Variants in CNN3 observed in about 807,000 individuals in gnomAD.
CNN3 encodes calponin-3.
Under a neutral mutation model 39.0 loss-of-function variants are expected in CNN3, and 11 were observed. That is an observed-to-expected ratio of 0.28 (90% CI 0.18 to 0.47). The LOEUF is 0.47. Ranked by LOEUF, CNN3 falls within the 20% of genes least tolerant of loss-of-function variation. The pLI is 0.99. For missense variants in CNN3, 266 were observed against 403.4 expected (o/e 0.66, Z 2.92); for synonymous variants, 101 against 138.3 (o/e 0.73, Z 1.89).
At chr1:94,903,628 G>GA in intron 1 of CNN3, 104 bp from the exon 2 acceptor site, 1 of 1,471,484 alleles carries the variant, frequency 6.8e-7, no homozygotes, top group Non-Finnish European at 9.3e-7. Context: ...CCACAGCTGT[G>GA]AAGTGTAGTA....
chr1:94,908,633 C>T lies in CNN3; in HGVS notation c.58-5109G>A, dbSNP rs144297161. Among the ~76,000 whole-genome samples, 874 of 152,262 alleles carry T rather than the reference C, an allele frequency of 5.7e-3. 9 individuals are homozygous for T. Among genetic ancestry groups the T allele is most frequent in the African/African-American group, 0.02 (847 of 41,546 alleles). ...TTGGCCCACTGCAACCTCCACCTCC[C>T]GGGTTCAAGCGATTCTCCTGCCTCA... On this transcript the variant is annotated intron_variant, in intron 1 of 6. Coordinates refer to ENST00000370206, the MANE Select transcript of CNN3 (RefSeq NM_001839.5).
At chr1:94,906,476 T>C (rs1018579239) in intron 1 of CNN3, among the ~76,000 whole-genome samples, 10 of 152,030 alleles carry the variant, frequency 6.6e-5, no homozygotes, top group Non-Finnish European at 8.8e-5. Flanking sequence ...ATTTTTTTTT[T>C]CCCCAAAAGT....
Position 94,926,878 on chromosome 1 carries a change from T to G in CNN3, c.17A>C (p.Lys6Thr). The G allele has an allele frequency of 6.2e-7, 1 of 1,610,682 alleles. No homozygotes were observed. The highest frequency in any genetic ancestry group is 8.5e-7 in the Non-Finnish European group (1 of 1,178,338). Residue 6 changes from lysine to threonine, a missense_variant, in exon 1 of 7, where the codon AAG (lysine) becomes ACG (threonine). Physicochemically the swap from Lys to Thr is moderately conservative, Grantham distance 78. Coordinates refer to ENST00000370206, the MANE Select transcript of CNN3 (RefSeq NM_001839.5). The surrounding 1 kb of genome is among the most constrained non-coding windows in gnomAD (Gnocchi z 4.2). ...GGCCGAGAGCCCATAGGAAGGGCCC[T>G]TGTTGAAGTGGGTCATGGTGGTTCG... MTHFNKGPSYGLSAEV... is the reference protein window; with the variant it reads MTHFNTGPSYGLSAEV...
intron 1 of CNN3, among the ~76,000 whole-genome samples, chr1:94,906,008 A>G (rs1670990388): frequency 6.6e-6 from 1 of 152,154 alleles, no homozygotes; most frequent in Non-Finnish European, 1.5e-5. Flanking sequence ...TTTGAGATGG[A>G]GTCTTGCTCT....
intron 5 of CNN3, among the ~76,000 whole-genome samples, chr1:94,901,286 G>A (rs1207876417): frequency 4.6e-5 from 7 of 151,622 alleles, no homozygotes; most frequent in African/African-American, 1.5e-4. Flanking sequence ...CCCAGGAGGT[G>A]GAGGTTACAG....
At chr1:94,920,132 GC>G (rs1671402579) in intron 1 of CNN3, among the ~76,000 whole-genome samples, 1 of 152,172 alleles carries the variant, frequency 6.6e-6, no homozygotes, top group South Asian at 2.1e-4. Flanking sequence ...ATACAACCAA[GC>G]CCGGTAAGCA....
chr1:94,921,182 G>A (rs1254105230), intron 1 of CNN3, among the ~76,000 whole-genome samples: 2 of 152,158 alleles, frequency 1.3e-5, no homozygotes, highest in African/African-American at 4.8e-5. Flanking sequence ...ATCACTTGAG[G>A]TCAGGCGTTT....
chr1:94,898,200 G>A, intron 6 of CNN3, 117 bp from the exon 7 acceptor site: 2 of 1,069,152 alleles, frequency 1.9e-6, no homozygotes, highest in Non-Finnish European at 1.3e-6. Flanking sequence ...ACTTTCATTT[G>A]GTTCAGGGGT....
chr1:94,913,579 C>T (rs969460286), intron 1 of CNN3, among the ~76,000 whole-genome samples: 1 of 152,164 alleles, frequency 6.6e-6, no homozygotes, highest in African/African-American at 2.4e-5. Context: ...TGAAGGGACA[C>T]TGATAAGCTG....
intron 1 of CNN3, among the ~76,000 whole-genome samples, chr1:94,917,195 C>T (rs1375090328): frequency 6.6e-6 from 1 of 152,122 alleles, no homozygotes; most frequent in Admixed American, 6.5e-5. Flanking sequence ...CGCCACCATG[C>T]CTGGCTAATT....
rs529630945 is a variant in CNN3, at chr1:94,926,961, C to T, written c.-67G>A. 1.4e-5 allele frequency: 21 copies of T among 1,554,370 alleles called. No individual in the cohort carries two copies. The African/African-American group carries it at 2.1e-4, about 15-fold the overall frequency. ...GTCTCTCGCACTTCGCTTCCCCGCT[C>T]CTGGCCCCGAGGAGTGGCCGCCGCG... On this transcript the variant is annotated 5_prime_UTR_variant, in exon 1 of 7. Coordinates refer to ENST00000370206, the MANE Select transcript of CNN3 (RefSeq NM_001839.5). This position sits in a 1 kb window ranked among gnomAD's most constrained non-coding sequence, Gnocchi z 4.2.
At chr1:94,915,687 G>A (rs569185789) in intron 1 of CNN3, among the ~76,000 whole-genome samples, 32 of 152,230 alleles carry the variant, frequency 2.1e-4, no homozygotes, top group African/African-American at 6.3e-4. Flanking sequence ...TCCAGATCAA[G>A]GGCCAATGGA....
Position 94,926,933 on chromosome 1 carries a change from G to T in CNN3, c.-39C>A. 1 of 1,593,592 alleles carries T rather than the reference G, an allele frequency of 6.3e-7. No homozygotes were observed. Among genetic ancestry groups the T allele is most frequent in the South Asian group, 1.1e-5 (1 of 89,654 alleles). On this transcript the variant is annotated 5_prime_UTR_variant, in exon 1 of 7. Transcript: ENST00000370206. The surrounding 1 kb of genome is among the most constrained non-coding windows in gnomAD (Gnocchi z 4.2). ...GCGGGAAGAGACAGCGCTGGGGTCC[G>T]GGGTCTCTCGCACTTCGCTTCCCCG... is the stretch of plus-strand genomic sequence containing the variant.
At chr1:94,917,876 G>A (rs967149274) in intron 1 of CNN3, among the ~76,000 whole-genome samples, 1 of 152,228 alleles carries the variant, frequency 6.6e-6, no homozygotes, top group Non-Finnish European at 1.5e-5. Context: ...TGAGGTAGAT[G>A]TACTGTCTTC....
At position 94,897,711 on chromosome 1, in the gene CNN3, G is replaced by A; in HGVS notation, c.*31C>T. 2 of 1,578,444 alleles carry A rather than the reference G, an allele frequency of 1.3e-6. No individual in the cohort carries two copies. The highest frequency in any genetic ancestry group is 1.3e-5 in the African/African-American group (1 of 74,382). ...TTGGTTCTCACTGAATAAAAACAAA[G>A]GACTAAATACTGAGCTCCTTCTGTG... On this transcript the variant is annotated 3_prime_UTR_variant, in exon 7 of 7. Coordinates refer to ENST00000370206, the MANE Select transcript of CNN3 (RefSeq NM_001839.5).
intron 1 of CNN3, among the ~76,000 whole-genome samples, chr1:94,905,240 C>T (rs1297280493): frequency 6.6e-6 from 1 of 152,190 alleles, no homozygotes; most frequent in East Asian, 1.9e-4. Context: ...AAAGCGTACA[C>T]TTGATCACAG....
intron 1 of CNN3, among the ~76,000 whole-genome samples, chr1:94,917,728 G>A (rs891143179): frequency 3.3e-5 from 5 of 152,296 alleles, no homozygotes; most frequent in African/African-American, 1.2e-4. Context: ...TTTTCAAAAT[G>A]GTTGAACAAT....
chr1:94,900,332 G>T (rs148507582), intron 5 of CNN3, among the ~76,000 whole-genome samples: 15 of 152,284 alleles, frequency 9.9e-5, no homozygotes, highest in African/African-American at 3.1e-4. Context: ...TCCATTCACT[G>T]TCAACATTTG....
intron 1 of CNN3, among the ~76,000 whole-genome samples, chr1:94,905,145 C>T (rs1670963264): frequency 6.6e-6 from 1 of 152,112 alleles, no homozygotes; most frequent in Non-Finnish European, 1.5e-5. Context: ...TCACCAGGAT[C>T]AGGACAGACA....
Sources: gnomAD v4.1 joint callset for allele counts (sites outside exome capture counted in the v4.1 genomes callset) on GRCh38, gnomAD v4.1.1 for gene constraint, Gnocchi (gnomAD v3.1) non-coding constraint, MANE v1.5 for transcripts, NCBI Gene and HGNC (gene_info 2026-07-23, HGNC 2026-07-21) for gene names.